The following PPARGC1A variants were observed in gnomAD, a reference collection of about 807,000 sequenced individuals.
PPARGC1A encodes the protein peroxisome proliferator-activated receptor gamma coactivator 1-alpha.
In PPARGC1A, 25 loss-of-function variants were observed where a neutral mutation model predicts 88.7. The observed-to-expected ratio is 0.28, with a 90% CI of 0.21 to 0.39. PPARGC1A has a LOEUF of 0.39. Among genes scored for constraint, PPARGC1A ranks in the 10% least tolerant of loss-of-function variants. The pLI, the probability that PPARGC1A is intolerant of heterozygous loss-of-function variation, is 1.00. For missense variants in PPARGC1A, 880 were observed against 968.7 expected (o/e 0.91, Z 1.22); for synonymous variants, 363 against 355.6 (o/e 1.02, Z -0.24).
At chr4:24,233,618 A>T in the PPARGC1A span, among the ~76,000 whole-genome samples, 1 of 150,046 alleles carries the variant, frequency 6.7e-6, no homozygotes, top group East Asian at 1.9e-4. Context: ...ACACACACAC[A>T]CACATATACA....
At chr4:24,011,990 G>A in the PPARGC1A span, among the ~76,000 whole-genome samples, 1 of 151,952 alleles carries the variant, frequency 6.6e-6, no homozygotes, top group Non-Finnish European at 1.5e-5. Flanking sequence ...CCAGCAAAAG[G>A]CCTTTTGTGC....
At chr4:24,163,630 C>T in the PPARGC1A span, among the ~76,000 whole-genome samples, 234 of 152,214 alleles carry the variant, frequency 1.5e-3, 2 homozygotes, top group African/African-American at 4.9e-3. Context: ...TTTTCACTGC[C>T]GCAAAAAGCT....
the PPARGC1A span, among the ~76,000 whole-genome samples, chr4:24,291,880 T>A: frequency 4.6e-5 from 7 of 152,180 alleles, no homozygotes; most frequent in Admixed American, 2.6e-4. Flanking sequence ...ATGTGAGAAA[T>A]GAATACATAA....
chr4:23,963,213 C>T, the PPARGC1A span, among the ~76,000 whole-genome samples: 4 of 152,096 alleles, frequency 2.6e-5, no homozygotes, highest in African/African-American at 7.2e-5. Flanking sequence ...TATGATTGTT[C>T]GTCAAAGGAA....
At chr4:24,015,820 G>T in the PPARGC1A span, among the ~76,000 whole-genome samples, 4 of 152,166 alleles carry the variant, frequency 2.6e-5, no homozygotes, top group Non-Finnish European at 4.4e-5. Context: ...CAAGATTAAA[G>T]AAAACTAATG....
the PPARGC1A span, among the ~76,000 whole-genome samples, chr4:24,337,212 C>A: frequency 4.1e-4 from 63 of 152,342 alleles, 1 homozygote; most frequent in South Asian, 0.013. Flanking sequence ...GCCCATCTTT[C>A]CTCTGACTCT....
chr4:24,382,597 A>G, the PPARGC1A span, among the ~76,000 whole-genome samples: 2 of 152,256 alleles, frequency 1.3e-5, no homozygotes, highest in Non-Finnish European at 2.9e-5. Flanking sequence ...CCTGTTTAGA[A>G]CTGATACAAG....
At chr4:23,913,532 A>G in the PPARGC1A span, among the ~76,000 whole-genome samples, 1 of 152,024 alleles carries the variant, frequency 6.6e-6, no homozygotes, top group Non-Finnish European at 1.5e-5. Flanking sequence ...CAGGATAGTA[A>G]CTTTCAATGT....
At chr4:24,216,896 G>A in the PPARGC1A span, among the ~76,000 whole-genome samples, 4 of 152,140 alleles carry the variant, frequency 2.6e-5, no homozygotes, top group Admixed American at 2.6e-4. Context: ...TAAGCTCTCT[G>A]TGTCTTCATC....
Position 23,813,797 on chromosome 4 carries a change from G to C in PPARGC1A, c.1686C>G (p.Pro562=), listed in dbSNP as rs1208455212. 4.3e-6 allele frequency: 7 copies of C among 1,613,432 alleles called. No homozygotes were observed. Among genetic ancestry groups the C allele is most frequent in the Non-Finnish European group, 5.9e-6 (7 of 1,179,444 alleles). Residue 562 remains proline, a synonymous_variant, in exon 8 of 13, where the codon CCC becomes CCG. Coordinates refer to ENST00000264867, the MANE Select transcript of PPARGC1A (RefSeq NM_013261.5). Reference sequence around the variant, plus strand: ...ACCTTGAACGAGAGCGCATCCTTTGGGGTCTTTGAGAAAATAAGGATTTGG... The same window carrying C: ...ACCTTGAACGAGAGCGCATCCTTTGCGGTCTTTGAGAAAATAAGGATTTGG... The part of the protein sequence containing the change: ...SPPKSLFSQR[P]QRMRSRSRSF...
At chr4:24,170,562 C>G in the PPARGC1A span, among the ~76,000 whole-genome samples, 1 of 152,138 alleles carries the variant, frequency 6.6e-6, no homozygotes, top group African/African-American at 2.4e-5. Context: ...TTCTCAGAGC[C>G]CTGCTCACTT....
chr4:24,322,473 A>T, the PPARGC1A span, among the ~76,000 whole-genome samples: 1 of 152,176 alleles, frequency 6.6e-6, no homozygotes, highest in African/African-American at 2.4e-5. Context: ...TCTATATGTC[A>T]TTTATAACTT....
At chr4:24,358,943 A>G in the PPARGC1A span, among the ~76,000 whole-genome samples, 2 of 152,224 alleles carry the variant, frequency 1.3e-5, no homozygotes, top group Non-Finnish European at 2.9e-5. Context: ...TGTTTCTTCC[A>G]TGCCAGGAGG....
the PPARGC1A span, among the ~76,000 whole-genome samples, chr4:23,991,810 C>T: frequency 6.6e-6 from 1 of 151,862 alleles, no homozygotes; most frequent in African/African-American, 2.4e-5. Context: ...GTTTCAACAA[C>T]TAGAATGAAA....
chr4:24,112,256 G>A, the PPARGC1A span, among the ~76,000 whole-genome samples: 1 of 152,058 alleles, frequency 6.6e-6, no homozygotes, highest in East Asian at 1.9e-4. Context: ...AACTGAAGAG[G>A]GCATGCCTTA....
the PPARGC1A span, among the ~76,000 whole-genome samples, chr4:24,083,761 C>A: frequency 6.6e-6 from 1 of 152,192 alleles, no homozygotes; most frequent in South Asian, 2.1e-4. Context: ...GCTACTATAG[C>A]ACTAAATGCA....
chr4:24,247,866 T>C, the PPARGC1A span, among the ~76,000 whole-genome samples: 1 of 152,152 alleles, frequency 6.6e-6, no homozygotes, highest in African/African-American at 2.4e-5. Flanking sequence ...ATGTAAGCAC[T>C]TTTGGGGGAA....
the PPARGC1A span, among the ~76,000 whole-genome samples, chr4:24,016,241 A>G: frequency 2.0e-5 from 3 of 152,206 alleles, no homozygotes; most frequent in Non-Finnish European, 1.5e-5. Flanking sequence ...GGCTCATGGA[A>G]AAGGAAAATT....
At chr4:24,066,973 GT>G in the PPARGC1A span, among the ~76,000 whole-genome samples, 69 of 147,730 alleles carry the variant, frequency 4.7e-4, 1 homozygote, top group Non-Finnish European at 8.0e-4. Flanking sequence ...AGAAAGCTAT[GT>G]GTTTTAATTG....
Sources: allele counts gnomAD v4.1 joint callset (sites outside exome capture counted in the v4.1 genomes callset), GRCh38; gene constraint gnomAD v4.1.1; transcripts MANE v1.5; gene names NCBI Gene and HGNC (gene_info 2026-07-23, HGNC 2026-07-21).